The following CDH13 variants were observed in gnomAD, a reference collection of about 807,000 sequenced individuals.
CDH13 encodes cadherin 13, also known as cadherin-13.
In CDH13, 24 loss-of-function variants were observed where a neutral mutation model predicts 63.8. That is an observed-to-expected ratio of 0.38 (90% CI 0.27 to 0.53). CDH13 has a LOEUF of 0.53. Ranked by LOEUF, CDH13 falls within the 20% of genes least tolerant of loss-of-function variation. CDH13 has a pLI of 0.85. For missense variants in CDH13, 1,049 were observed against 903.1 expected (o/e 1.16, Z -2.07); for synonymous variants, 503 against 355.3 (o/e 1.42, Z -4.67).
chr16:83,584,281 A>T (rs185851649), intron 7 of CDH13, among the ~76,000 whole-genome samples: 1 of 152,332 alleles, frequency 6.6e-6, no homozygotes, highest in East Asian at 1.9e-4. Flanking sequence ...GTGAGCTGAG[A>T]TCGTGCCACT....
At chr16:83,198,213 A>T (rs977453469) in intron 4 of CDH13, among the ~76,000 whole-genome samples, 1 of 152,080 alleles carries the variant, frequency 6.6e-6, no homozygotes, top group African/African-American at 2.4e-5. Flanking sequence ...AAAAAATCCC[A>T]TTGCCAAGTA....
chr16:82,902,286 A>T (rs568352859), intron 2 of CDH13, among the ~76,000 whole-genome samples: 1 of 152,156 alleles, frequency 6.6e-6, no homozygotes, highest in East Asian at 1.9e-4. Context: ...AAAATTATCA[A>T]AACTACTGGG....
chr16:82,915,798 C>T (rs1236169963), intron 2 of CDH13, among the ~76,000 whole-genome samples: 1 of 150,522 alleles, frequency 6.6e-6, no homozygotes, highest in Non-Finnish European at 1.5e-5. Context: ...CTTTAAGGTA[C>T]CCTCTGACAT....
At chr16:83,749,583 G>A (rs939135402) in intron 11 of CDH13, among the ~76,000 whole-genome samples, 1 of 152,210 alleles carries the variant, frequency 6.6e-6, no homozygotes, top group African/African-American at 2.4e-5. Context: ...TGATAGAACA[G>A]GGAACCAGGA....
At chr16:83,038,271 G>A (rs1401957590) in intron 3 of CDH13, among the ~76,000 whole-genome samples, 1 of 152,096 alleles carries the variant, frequency 6.6e-6, no homozygotes, top group African/African-American at 2.4e-5. Flanking sequence ...TTATGACCCT[G>A]TCTCACCTGC....
chr16:82,805,334 T>C (rs1319161154), intron 1 of CDH13, among the ~76,000 whole-genome samples: 4 of 152,226 alleles, frequency 2.6e-5, no homozygotes, highest in African/African-American at 9.6e-5. Flanking sequence ...GTGGAACTTT[T>C]GGTCTTTCTT....
At chr16:83,282,396 T>C (rs915210865) in intron 5 of CDH13, among the ~76,000 whole-genome samples, 1 of 152,142 alleles carries the variant, frequency 6.6e-6, no homozygotes, top group Non-Finnish European at 1.5e-5. Context: ...AGCTGAAAAG[T>C]AGAATAAAAG....
In CDH13 at chr16:83,445,742, T is replaced by C. The variant is rs375103685; in HGVS notation, c.782-40735T>C. ...ATAGCTGAGATTTCCAGAATTCAGT[T>C]AGAAGATCTGATAAGCATCTAAAAC... On this transcript the variant is annotated intron_variant, in intron 6 of 13. Coordinates refer to ENST00000567109, the MANE Select transcript of CDH13 (RefSeq NM_001257.5). 4.0e-4 allele frequency among the ~76,000 whole-genome samples: 61 copies of C among 152,326 alleles called. No individual in the cohort carries two copies. The South Asian group carries it at 0.012, about 30-fold the overall frequency.
intron 2 of CDH13, among the ~76,000 whole-genome samples, chr16:82,891,547 C>A (rs1254937583): frequency 6.6e-6 from 1 of 152,128 alleles, no homozygotes; most frequent in African/African-American, 2.4e-5. Context: ...GCACCATCAC[C>A]CCTCCAACTG....
intron 1 of CDH13, among the ~76,000 whole-genome samples, chr16:82,795,626 C>T (rs1334191474): frequency 1.3e-5 from 2 of 152,174 alleles, no homozygotes; most frequent in East Asian, 1.9e-4. Context: ...ACACCTCACC[C>T]AAGGTCCTAC....
At position 83,646,296 on chromosome 16, in the gene CDH13, G is replaced by A. The variant is rs76922314; in HGVS notation, c.1102-24494G>A. Among the ~76,000 whole-genome samples, 85 of 152,292 alleles carry A rather than the reference G, an allele frequency of 5.6e-4. No homozygotes were observed. In the East Asian group the frequency reaches 0.014, roughly 26 times the overall value. On this transcript the variant is annotated intron_variant, in intron 8 of 13. Transcript: ENST00000567109. ...TAACCTACCCCACTGGGTGAGTAGC[G>A]TACCCGGGTCATGACATGAAGGATG...
intron 7 of CDH13, among the ~76,000 whole-genome samples, chr16:83,552,395 C>T (rs2075521509): frequency 6.6e-6 from 1 of 152,164 alleles, no homozygotes; most frequent in Admixed American, 6.5e-5. Context: ...CTGTAACTGT[C>T]AGTTCCAGTG....
At chr16:83,545,312 A>C (rs1225158632) in intron 7 of CDH13, among the ~76,000 whole-genome samples, 1 of 152,326 alleles carries the variant, frequency 6.6e-6, no homozygotes, top group Middle Eastern at 3.4e-3. Flanking sequence ...TGAAGAAGGA[A>C]AAAAAATAGT....
Position 83,661,812 on chromosome 16 carries a change from T to C in CDH13, c.1102-8978T>C, listed in dbSNP as rs140216499. On this transcript the variant is annotated intron_variant, in intron 8 of 13. Transcript: ENST00000567109. ...GCAGCCAACACATGGAAATATCTCATAGGAAATGAATCAGAGAAGTGTGCC... is the reference window on the plus strand; with the variant it reads ...GCAGCCAACACATGGAAATATCTCACAGGAAATGAATCAGAGAAGTGTGCC... Among the ~76,000 whole-genome samples, 63 of 152,302 alleles carry C rather than the reference T, an allele frequency of 4.1e-4. 1 individual carries two copies. In the East Asian group the frequency reaches 8.9e-3, roughly 21 times the overall value.
intron 10 of CDH13, among the ~76,000 whole-genome samples, chr16:83,742,295 C>G (rs1361459931): frequency 2.0e-5 from 3 of 152,158 alleles, no homozygotes; most frequent in African/African-American, 7.2e-5. Context: ...CTGCCTGCGA[C>G]TCGAATTCTG....
rs115531948 is a variant in CDH13 at position 83,516,040 on chromosome 16, G to A, written c.960+29385G>A. The stretch of plus-strand genomic sequence containing the variant: ...AAAATCAATTCAAACATTGTTCCTC[G>A]TGATTTATTCAAAAATTCGCTTTTC... On this transcript the variant is annotated intron_variant, in intron 7 of 13. Coordinates refer to ENST00000567109, the MANE Select transcript of CDH13 (RefSeq NM_001257.5). Among the ~76,000 whole-genome samples, 652 of 152,130 alleles carry A rather than the reference G, an allele frequency of 4.3e-3. 8 individuals are homozygous for A. The highest frequency in any genetic ancestry group is 0.015 in the African/African-American group (631 of 41,478).
chr16:82,898,079 GA>G (rs549343039), intron 2 of CDH13, among the ~76,000 whole-genome samples: 18 of 152,178 alleles, frequency 1.2e-4, no homozygotes, highest in East Asian at 1.2e-3. Flanking sequence ...AGTGAATAAA[GA>G]AAAAATTATT....
chr16:83,091,091 G>C (rs10468368), intron 3 of CDH13, among the ~76,000 whole-genome samples: 5,481 of 152,030 alleles, frequency 0.036, 343 homozygotes, highest in African/African-American at 0.12. Flanking sequence ...AATATTTCAT[G>C]TAGTTGACAA....
At chr16:82,834,051 C>T (rs2038659940) in intron 1 of CDH13, among the ~76,000 whole-genome samples, 1 of 152,174 alleles carries the variant, frequency 6.6e-6, no homozygotes, top group African/African-American at 2.4e-5. Context: ...CTCAATTCAG[C>T]GCTAGCCAGC....
Sources: gnomAD v4.1 joint callset for allele counts (sites outside exome capture counted in the v4.1 genomes callset) on GRCh38, gnomAD v4.1.1 for gene constraint, MANE v1.5 for transcripts, NCBI Gene and HGNC (gene_info 2026-07-23, HGNC 2026-07-21) for gene names.